Variants in MTG1 observed in about 807,000 individuals in gnomAD.
MTG1 encodes the protein mitochondrial ribosome associated GTPase 1.
Under a neutral mutation model 39.5 loss-of-function variants are expected in MTG1, and 30 were observed. The ratio of observed to expected loss-of-function variants is 0.76; its 90% CI spans 0.57 to 1.03. The LOEUF (loss-of-function observed/expected upper bound fraction) is 1.03, where lower values mean the gene tolerates loss of function less well. Among genes scored for constraint, MTG1 ranks in the 50% least tolerant of loss-of-function variants. The probability of loss-of-function intolerance (pLI) is 0.00; values close to 1 mark genes in which losing one functional copy is unlikely to be tolerated. For missense variants in MTG1, 513 were observed against 447.4 expected (o/e 1.15, Z -1.32); for synonymous variants, 217 against 179.0 (o/e 1.21, Z -1.69).
chr10:133,405,404 G>T (rs1379042093), intron 9 of MTG1, among the ~76,000 whole-genome samples: 1 of 152,148 alleles, frequency 6.6e-6, no homozygotes, highest in Non-Finnish European at 1.5e-5. Flanking sequence ...GGAAACATTT[G>T]AATTGCTCTC....
rs74162003 is a variant in MTG1, at chr10:133,395,807, T to C, written c.177+30T>C. On this transcript the variant is annotated intron_variant, in intron 2 of 10. Coordinates refer to ENST00000317502, the MANE Select transcript of MTG1 (RefSeq NM_138384.4). ...CCTTTCACAGAGCAGGGGAGGCCCCTCTGCCTGAAGTCATATTACACATTA... is the reference window on the plus strand; with the variant it reads ...CCTTTCACAGAGCAGGGGAGGCCCCCCTGCCTGAAGTCATATTACACATTA... The C allele has an allele frequency of 2.1e-3, 3,380 of 1,606,648 alleles. 73 individuals carry two copies. The African/African-American group carries it at 0.041, about 19-fold the overall frequency.
chr10:133,394,423 C>T (rs1190348188), intron 1 of MTG1, 91 bp downstream of exon 1: 10 of 1,344,192 alleles, frequency 7.4e-6, no homozygotes, highest in Non-Finnish European at 9.7e-6. Flanking sequence ...GCCTGCTTCT[C>T]CCGGTCGTTC....
chr10:133,415,111 C>T (rs950628792), intron 9 of MTG1, among the ~76,000 whole-genome samples: 51 of 152,142 alleles, frequency 3.4e-4, no homozygotes, highest in Non-Finnish European at 1.8e-4. Flanking sequence ...GCAGAGATGG[C>T]GGCAGTACAG....
In MTG1 at chr10:133,411,548, G is replaced by T. The variant is rs181478332; in HGVS notation, c.753-7932G>T. The stretch of plus-strand genomic sequence containing the variant: ...AATAAACTTTCTGTGCCTTCCTCTT[G>T]CTCGGTTCCTTCTTGAACCCCAGTA... On this transcript the variant is annotated intron_variant, in intron 9 of 10. Transcript: ENST00000317502. 2.6e-5 allele frequency among the ~76,000 whole-genome samples: 4 copies of T among 152,220 alleles called. No homozygotes were observed. The East Asian group carries it at 7.7e-4, about 29-fold the overall frequency.
intron 5 of MTG1, 131 bp downstream of exon 5, chr10:133,399,357 C>T (rs1564818859): frequency 4.7e-6 from 6 of 1,263,590 alleles, no homozygotes; most frequent in South Asian, 1.2e-5. Context: ...CTCTCATTCT[C>T]TTCAGTGGAA....
chr10:133,410,021 G>T (rs978423414), intron 9 of MTG1, among the ~76,000 whole-genome samples: 2 of 150,750 alleles, frequency 1.3e-5, no homozygotes, highest in Non-Finnish European at 3.0e-5. Flanking sequence ...GTTTGATCTT[G>T]TTTTTTATCC....
At chr10:133,394,464 C>A in intron 1 of MTG1, 132 bp downstream of exon 1, 1 of 1,326,624 alleles carries the variant, frequency 7.5e-7, no homozygotes, top group South Asian at 1.7e-5. Flanking sequence ...TCCCTTGTCT[C>A]CCCTCCTTCC....
intron 9 of MTG1, among the ~76,000 whole-genome samples, chr10:133,404,668 GT>G (rs1230331773): frequency 6.6e-6 from 1 of 152,038 alleles, no homozygotes; most frequent in Non-Finnish European, 1.5e-5. Flanking sequence ...AAGATAGATG[GT>G]TTTAGGTTTT....
chr10:133,415,389 ATGTCTTTATTT>A lies in MTG1; in HGVS notation c.753-4090_753-4080del, dbSNP rs550603719. Among the ~76,000 whole-genome samples, 1,142 of 152,336 alleles carry A rather than the reference ATGTCTTTATTT, an allele frequency of 7.5e-3. 8 individuals carry two copies. Among genetic ancestry groups the A allele is most frequent in the Middle Eastern group, 0.048 (14 of 294 alleles). ...TCTTTCAGCTTTTGGTTGTCTGAAG[ATGTCTTTATTT>A]CACCTTTGTTTTGAAAGATATTTTC... is the stretch of plus-strand genomic sequence containing the variant. On this transcript the variant is annotated intron_variant, in intron 9 of 10. Coordinates refer to ENST00000317502, the MANE Select transcript of MTG1 (RefSeq NM_138384.4).
In MTG1 at chr10:133,420,287, T is replaced by C; in HGVS notation, c.*122T>C. 8.1e-7 allele frequency: 1 copy of C among 1,229,262 alleles called. No homozygotes were observed. Among genetic ancestry groups the C allele is most frequent in the Non-Finnish European group, 1.1e-6 (1 of 925,888 alleles). The allele number at this position is 1,229,262 out of a possible 1,614,324, so 76.1% of individuals were successfully genotyped here. A position where few individuals can be genotyped will look rare whatever the true frequency, so the allele number is the denominator to read the frequency against. ...CATGCTGGTCACTAGGGTGCTGTGCTCTCTGGCGCCCCACAGCCTGGCCAG... is the reference window on the plus strand; with the variant it reads ...CATGCTGGTCACTAGGGTGCTGTGCCCTCTGGCGCCCCACAGCCTGGCCAG... On this transcript the variant is annotated 3_prime_UTR_variant, in exon 11 of 11. Transcript: ENST00000317502.
chr10:133,401,404 T>G, intron 6 of MTG1, 125 bp from the exon 7 acceptor site: 1 of 729,314 alleles, frequency 1.4e-6, no homozygotes, highest in African/African-American at 1.8e-5. Flanking sequence ...GGCTGGTAAG[T>G]TGTGTTTGTT....
At chr10:133,419,367 A>G in intron 9 of MTG1, 113 bp from the exon 10 acceptor site, 1 of 784,612 alleles carries the variant, frequency 1.3e-6, no homozygotes, top group Non-Finnish European at 2.0e-6. Flanking sequence ...ACTGTCACCC[A>G]CAGGAGGTGC....
intron 5 of MTG1, 92 bp from the exon 6 acceptor site, chr10:133,399,437 T>G (rs1849836742): frequency 7.3e-7 from 1 of 1,360,824 alleles, no homozygotes; most frequent in Admixed American, 1.8e-5. Context: ...TGAGCTGACC[T>G]GGCCTGGGGT....
intron 2 of MTG1, 92 bp downstream of exon 2, chr10:133,395,869 G>C: frequency 7.5e-7 from 1 of 1,326,762 alleles, no homozygotes; most frequent in Non-Finnish European, 1.1e-6. Flanking sequence ...TATGAATTGC[G>C]AGGCCCCTTT....
chr10:133,416,371 G>GATAT (rs147744350), intron 9 of MTG1, among the ~76,000 whole-genome samples: 12 of 136,580 alleles, frequency 8.8e-5, no homozygotes, highest in African/African-American at 2.9e-4. Context: ...ATTTTTGGAT[G>GATAT]ATATATATAT....
chr10:133,396,992 A>G lies in MTG1; in HGVS notation c.282+725A>G, dbSNP rs1248537842. ...AAGGGAGTCTCCCTTTCCCCAGGGGAGTTTAGAGAAGACTCTACTCCTCCA... is the reference window on the plus strand; with the variant it reads ...AAGGGAGTCTCCCTTTCCCCAGGGGGGTTTAGAGAAGACTCTACTCCTCCA... On this transcript the variant is annotated intron_variant, in intron 3 of 10. Coordinates refer to ENST00000317502, the MANE Select transcript of MTG1 (RefSeq NM_138384.4). Among the ~76,000 whole-genome samples, 3 of 152,008 alleles carry G rather than the reference A, an allele frequency of 2.0e-5. No individual in the cohort carries two copies. In the East Asian group the frequency reaches 5.8e-4, roughly 29 times the overall value.
chr10:133,399,644 C>T (rs1456478844), intron 6 of MTG1, 25 bp downstream of exon 6: 9 of 1,611,084 alleles, frequency 5.6e-6, no homozygotes, highest in Non-Finnish European at 6.8e-6. Flanking sequence ...GGCTGATCAC[C>T]TCAGGAAAGG....
chr10:133,398,393 T>G, intron 3 of MTG1, 42 bp from the exon 4 acceptor site: 1 of 1,596,840 alleles, frequency 6.3e-7, no homozygotes, highest in East Asian at 2.2e-5. Flanking sequence ...GAGCCAAGAC[T>G]CCAGTAAAAA....
In MTG1 at chr10:133,394,322, C is replaced by T; in HGVS notation, c.102C>T (p.His34=). Residue 34 remains histidine, a synonymous_variant, in exon 1 of 11, where the codon CAC becomes CAT. Transcript: ENST00000317502. ...ACGTGGCGCGCTGGTTCCCGGGCCA[C>T]ATGGCCAAGGGTGAGGCACGGCGGG... The part of the protein sequence containing the change: ...GRDVARWFPG[H]MAKGLKKMQS... 6.6e-7 allele frequency: 1 copy of T among 1,509,284 alleles called. No individual in the cohort carries two copies. The highest frequency in any genetic ancestry group is 8.8e-7 in the Non-Finnish European group (1 of 1,133,368). 93.5% of individuals were successfully genotyped at this position (1,509,284 alleles called of 1,614,324 possible). A position where few individuals can be genotyped will look rare whatever the true frequency, so the allele number is the denominator to read the frequency against.
Sources: gnomAD v4.1 joint callset for allele counts (sites outside exome capture counted in the v4.1 genomes callset) on GRCh38, gnomAD v4.1.1 for gene constraint, MANE v1.5 for transcripts, NCBI Gene and HGNC (gene_info 2026-07-23, HGNC 2026-07-21) for gene names.